The following CCDC150 variants were observed in gnomAD, a reference collection of about 807,000 sequenced individuals.
CCDC150 encodes coiled-coil domain containing 150.
Under a neutral mutation model 156.5 loss-of-function variants are expected in CCDC150, and 151 were observed. The ratio of observed to expected loss-of-function variants is 0.97; its 90% confidence interval spans 0.85 to 1.10. The LOEUF (loss-of-function observed/expected upper bound fraction) is 1.10. Among genes scored for constraint, CCDC150 ranks in the 50% least tolerant of loss-of-function variants. CCDC150 has a pLI of 0.00. For synonymous variants in CCDC150, 452 were observed against 429.4 expected, an observed-to-expected ratio of 1.05 and a Z score of -0.65; for missense variants, 1,312 against 1,268.1, an observed-to-expected ratio of 1.03 and a Z score of -0.53.
intron 21 of CCDC150, among the ~76,000 whole-genome samples, chr2:196,723,385 A>G (rs1264203688): frequency 6.6e-6 from 1 of 152,094 alleles, no homozygotes; most frequent in Non-Finnish European, 1.5e-5. Context: ...AGTCCCAGCT[A>G]CTCGGGAGGC....
At chr2:196,649,642 T>TA (rs1307388453) in intron 2 of CCDC150, among the ~76,000 whole-genome samples, 2 of 152,346 alleles carry the variant, frequency 1.3e-5, no homozygotes, top group Admixed American at 6.5e-5. Flanking sequence ...TGTCATTACA[T>TA]AACTCATTAC....
At chr2:196,641,058 GTT>G (rs1692193757) in intron 1 of CCDC150, among the ~76,000 whole-genome samples, 1 of 152,144 alleles carries the variant, frequency 6.6e-6, no homozygotes, top group Non-Finnish European at 1.5e-5. Flanking sequence ...CGCCTCCTGG[GTT>G]CACACCATTC....
In CCDC150 at chr2:196,665,670, T is replaced by A; in HGVS notation, c.749T>A (p.Val250Glu). ...KIQEMGSTVE[V>E]ERKQVHILQQ... Reference sequence around the variant, plus strand: ...CAAGAAATGGGATCAACAGTGGAGGTAGAACGAAAACAGGTAGAAAGATTT... The same window carrying A: ...CAAGAAATGGGATCAACAGTGGAGGAAGAACGAAAACAGGTAGAAAGATTT... The change falls in exon 6 of 28, where the codon GTA becomes GAA. Residue 250 changes from valine (V) to glutamate (E), a missense_variant. Physicochemically the swap from Val to Glu is moderately radical, Grantham distance 121. Coordinates refer to ENST00000389175, the MANE Select transcript of CCDC150 (RefSeq NM_001080539.2). The A allele has an allele frequency of 6.3e-7, 1 of 1,586,862 alleles. No individual in the cohort carries two copies. The highest frequency in any genetic ancestry group is 8.6e-7 in the Non-Finnish European group (1 of 1,165,128).
intron 15 of CCDC150, among the ~76,000 whole-genome samples, chr2:196,706,455 C>CA (rs1696643515): frequency 6.6e-6 from 1 of 152,190 alleles, no homozygotes; most frequent in African/African-American, 2.4e-5. Flanking sequence ...ATGTCATCTG[C>CA]AAACAGGGAC....
intron 22 of CCDC150, chr2:196,726,611 G>A (rs961205099): frequency 1.3e-5 from 2 of 154,550 alleles, no homozygotes; most frequent in Non-Finnish European, 2.9e-5. Context: ...GTAAGAGAAA[G>A]TTTATTTTAG....
At chr2:196,702,288 G>A (rs1396998735) in intron 15 of CCDC150, among the ~76,000 whole-genome samples, 2 of 151,286 alleles carry the variant, frequency 1.3e-5, no homozygotes, top group Non-Finnish European at 2.9e-5. Context: ...TGACTAGAAA[G>A]GCATTCCAGA....
rs745331654 is a variant in CCDC150, at chr2:196,659,799, T to C, written c.645+939T>C. Reference sequence around the variant, plus strand: ...AATATCTTGCATTAGTATGATACTTTTGTAACATTTGATGAGCCAATATTG... The same window carrying C: ...AATATCTTGCATTAGTATGATACTTCTGTAACATTTGATGAGCCAATATTG... On this transcript the variant is annotated intron_variant, in intron 5 of 27. Transcript: ENST00000389175. Among the ~76,000 whole-genome samples, 91 of 152,230 alleles carry C rather than the reference T, an allele frequency of 6.0e-4. 1 individual carries two copies. The highest frequency in any genetic ancestry group is 2.5e-4 in the Non-Finnish European group (17 of 68,034).
chr2:196,710,326 C>T (rs1336386879), intron 15 of CCDC150, among the ~76,000 whole-genome samples: 2 of 152,286 alleles, frequency 1.3e-5, no homozygotes, highest in Non-Finnish European at 2.9e-5. Context: ...ATATAATCTC[C>T]TGGTGTGCTG....
intron 15 of CCDC150, among the ~76,000 whole-genome samples, chr2:196,706,013 T>TAAG (rs1696603269): frequency 6.6e-6 from 1 of 152,218 alleles, no homozygotes; most frequent in African/African-American, 2.4e-5. Flanking sequence ...TCTTTTGGCT[T>TAAG]AAGACTGCCT....
intron 2 of CCDC150, among the ~76,000 whole-genome samples, chr2:196,649,611 A>G (rs975060951): frequency 2.6e-5 from 4 of 152,182 alleles, no homozygotes; most frequent in African/African-American, 7.2e-5. Flanking sequence ...ACCTAACAAC[A>G]CATATCTCAG....
At chr2:196,703,723 G>A (rs1189076854) in intron 15 of CCDC150, among the ~76,000 whole-genome samples, 2 of 152,032 alleles carry the variant, frequency 1.3e-5, no homozygotes, top group Non-Finnish European at 2.9e-5. Context: ...CAGACTTAAA[G>A]CCAAATTTTG....
In CCDC150 at chr2:196,676,600, G is replaced by T; in HGVS notation, c.1309G>T (p.Asp437Tyr). 6.2e-7 allele frequency: 1 copy of T among 1,613,746 alleles called. No individual in the cohort carries two copies. The highest frequency in any genetic ancestry group is 8.5e-7 in the Non-Finnish European group (1 of 1,179,734). ...TAACCAGTGTATCCAGAAAGCACAG[G>T]ATGCTGAAAAGAGAACAGCTGTGCA... Reference protein sequence around the residue: ...EHNQCIQKAQDAEKRTAVQKE... With the variant: ...EHNQCIQKAQYAEKRTAVQKE... The change falls in exon 12 of 28, where the codon GAT becomes TAT. Residue 437 changes from aspartate to tyrosine, a missense_variant. By Grantham distance (160) the Asp-to-Tyr change is radical. Coordinates refer to ENST00000389175, the MANE Select transcript of CCDC150 (RefSeq NM_001080539.2).
intron 5 of CCDC150, among the ~76,000 whole-genome samples, chr2:196,662,805 G>A (rs1693631814): frequency 6.6e-6 from 1 of 152,154 alleles, no homozygotes; most frequent in Non-Finnish European, 1.5e-5. Flanking sequence ...GCACAGTGGT[G>A]TACACCTGTG....
intron 13 of CCDC150, among the ~76,000 whole-genome samples, chr2:196,677,863 G>T (rs1297270174): frequency 6.6e-6 from 1 of 151,896 alleles, no homozygotes; most frequent in Non-Finnish European, 1.5e-5. Context: ...GGTGGTGGGC[G>T]CCTGTAATCC....
At chr2:196,678,922 A>C (rs972733075) in intron 13 of CCDC150, among the ~76,000 whole-genome samples, 1 of 152,284 alleles carries the variant, frequency 6.6e-6, no homozygotes, top group East Asian at 1.9e-4. Flanking sequence ...TGAATGTTAC[A>C]TGGCCAAGGC....
chr2:196,702,390 ACT>A (rs1486414849), intron 15 of CCDC150, among the ~76,000 whole-genome samples: 2 of 124,450 alleles, frequency 1.6e-5, no homozygotes, highest in African/African-American at 2.8e-5. Context: ...ATGAGGTCTC[ACT>A]CTCTCATCCA....
At chr2:196,665,984 T>C (rs1480240286) in intron 6 of CCDC150, among the ~76,000 whole-genome samples, 1 of 152,172 alleles carries the variant, frequency 6.6e-6, no homozygotes, top group Non-Finnish European at 1.5e-5. Flanking sequence ...AGATAAAGTA[T>C]TTTTCCCTTA....
At chr2:196,677,402 T>C in intron 13 of CCDC150, 41 bp downstream of exon 13, 1 of 1,283,356 alleles carries the variant, frequency 7.8e-7, no homozygotes, top group Non-Finnish European at 1.1e-6. Flanking sequence ...CTATATTTCC[T>C]TCTGTATTGC....
intron 5 of CCDC150, among the ~76,000 whole-genome samples, chr2:196,663,721 A>G (rs932374769): frequency 1.3e-5 from 2 of 152,138 alleles, no homozygotes; most frequent in African/African-American, 4.8e-5. Context: ...ATATCCCAAC[A>G]CATTTTTTAC....
Sources: gnomAD v4.1 joint callset for allele counts (sites outside exome capture counted in the v4.1 genomes callset) on GRCh38, gnomAD v4.1.1 for gene constraint, MANE v1.5 for transcripts, NCBI Gene and HGNC (gene_info 2026-07-23, HGNC 2026-07-21) for gene names.